The following WDR7 variants were observed in gnomAD, a reference collection of about 807,000 sequenced individuals.
WDR7 encodes WD repeat domain 7.
In WDR7, 46 loss-of-function variants were observed where a neutral mutation model predicts 169.4. The observed-to-expected ratio is 0.27, with a 90% confidence interval of 0.21 to 0.35. The LOEUF (loss-of-function observed/expected upper bound fraction) is 0.35, where lower values mean the gene tolerates loss of function less well. Among genes scored for constraint, WDR7 ranks in the 10% least tolerant of loss-of-function variants. WDR7 has a pLI of 1.00. For missense variants in WDR7, 1,534 were observed against 1,859.3 expected, an observed-to-expected ratio of 0.83 and a Z score of 3.22; for synonymous variants, 612 against 666.8, an observed-to-expected ratio of 0.92 and a Z score of 1.27.
downstream of WDR7, chr18:57,032,802 TA>T (rs1568036539): frequency 0.17 from 382 of 2,246 alleles, 12 homozygotes; most frequent in East Asian, 0.51. Context: ...ATAATTATTT[TA>T]TATATATATA....
At chr18:56,973,491 T>TG (rs1249180304) in intron 26 of WDR7, among the ~76,000 whole-genome samples, 4 of 152,082 alleles carry the variant, frequency 2.6e-5, no homozygotes, top group African/African-American at 9.7e-5. Context: ...ACATATTGTG[T>TG]GTGGGGGGGG....
chr18:56,906,260 A>C (rs1278667501), intron 21 of WDR7, among the ~76,000 whole-genome samples: 1 of 152,152 alleles, frequency 6.6e-6, no homozygotes, highest in Non-Finnish European at 1.5e-5. Context: ...ATTTGAGGAG[A>C]CTCTATGGGA....
At chr18:56,659,401 C>T (rs1017203701) in intron 1 of WDR7, among the ~76,000 whole-genome samples, 1 of 152,074 alleles carries the variant, frequency 6.6e-6, no homozygotes, top group African/African-American at 2.4e-5. Context: ...ATTTGGATTC[C>T]TTCTATGTGG....
At chr18:56,715,620 G>A (rs1416601224) in intron 12 of WDR7, among the ~76,000 whole-genome samples, 1 of 152,046 alleles carries the variant, frequency 6.6e-6, no homozygotes, top group Non-Finnish European at 1.5e-5. Flanking sequence ...GATTGCTTGA[G>A]CCCAGGAGTT....
chr18:56,698,890 G>A (rs1202706173), intron 12 of WDR7, among the ~76,000 whole-genome samples: 1 of 152,000 alleles, frequency 6.6e-6, no homozygotes, highest in African/African-American at 2.4e-5. Flanking sequence ...TTGGGTGGGA[G>A]GACGGAGAGG....
At chr18:56,891,697 C>A (rs1346827270) in intron 21 of WDR7, among the ~76,000 whole-genome samples, 1 of 151,998 alleles carries the variant, frequency 6.6e-6, no homozygotes, top group East Asian at 1.9e-4. Context: ...ATGCATTTTT[C>A]CCCCAAAGCT....
intron 1 of WDR7, among the ~76,000 whole-genome samples, chr18:56,664,004 GA>G (rs1396340452): frequency 2.0e-5 from 3 of 151,964 alleles, no homozygotes; most frequent in African/African-American, 4.8e-5. Context: ...TGCTGTACCA[GA>G]AAAAAAGAGA....
intron 9 of WDR7, among the ~76,000 whole-genome samples, chr18:56,693,573 G>GTTTTTTTTTT (rs1254201598): frequency 9.2e-5 from 5 of 54,440 alleles, no homozygotes; most frequent in African/African-American, 1.9e-4. Flanking sequence ...TTTTTTTTTT[G>GTTTTTTTTTT]TTTTTTTTTT....
chr18:56,924,839 A>G (rs2046780711), intron 22 of WDR7, among the ~76,000 whole-genome samples: 1 of 152,236 alleles, frequency 6.6e-6, no homozygotes, highest in African/African-American at 2.4e-5. Context: ...ATTCAGTGGC[A>G]TTAAGTATAA....
chr18:56,673,808 G>A (rs2025186711), intron 2 of WDR7, among the ~76,000 whole-genome samples: 1 of 151,684 alleles, frequency 6.6e-6, no homozygotes, highest in African/African-American at 2.4e-5. Flanking sequence ...TGGGCAATGG[G>A]AGTGAGACCT....
rs192460125 is a variant in WDR7, at chr18:57,007,867, T to G, written c.4165-12878T>G. 1.6e-3 allele frequency among the ~76,000 whole-genome samples: 248 copies of G among 151,986 alleles called. 2 individuals carry two copies. Among genetic ancestry groups the G allele is most frequent in the Middle Eastern group, 6.8e-3 (2 of 294 alleles). On this transcript the variant is annotated intron_variant, in intron 26 of 27. Coordinates refer to ENST00000254442, the MANE Select transcript of WDR7 (RefSeq NM_015285.3). ...TACTCTTCATGGACTTTCTCAACCA[T>G]TTACATTGGATTTTTTAACAAACAT...
chr18:56,772,060 C>CAAAAAAAAAAA (rs71169397), intron 16 of WDR7, among the ~76,000 whole-genome samples: 1 of 51,168 alleles, frequency 2.0e-5, no homozygotes, highest in African/African-American at 7.4e-5. Flanking sequence ...GACCCTGTCT[C>CAAAAAAAAAAA]AAAAAAAAAA....
intron 12 of WDR7, among the ~76,000 whole-genome samples, chr18:56,711,866 T>C (rs2026093536): frequency 6.6e-6 from 1 of 152,156 alleles, no homozygotes; most frequent in South Asian, 2.1e-4. Flanking sequence ...TTATGTTCCA[T>C]AGCAAGAGTT....
chr18:56,924,026 G>A lies in WDR7; in HGVS notation c.3631G>A (p.Val1211Ile), dbSNP rs1232078447. 1.2e-6 allele frequency: 2 copies of A among 1,612,878 alleles called. No individual in the cohort carries two copies. The highest frequency in any genetic ancestry group is 1.7e-5 in the Admixed American group (1 of 59,758). ...AIDLIGRGFT[V>I]WEPYMDVSAV... ...TGATCTGATTGGACGTGGGTTCACT[G>A]TTTGGGAGCCTTACATGGATGTGTC... Residue 1211 changes from valine to isoleucine, a missense_variant, in exon 22 of 28, where the codon GTT becomes ATT. By Grantham distance (29) the Val-to-Ile change is conservative. Transcript: ENST00000254442.
At chr18:56,906,081 A>G (rs543170604) in intron 21 of WDR7, among the ~76,000 whole-genome samples, 1 of 152,328 alleles carries the variant, frequency 6.6e-6, no homozygotes, top group Non-Finnish European at 1.5e-5. Flanking sequence ...ATCACTCCTA[A>G]TATCACCGTA....
intron 22 of WDR7, 94 bp downstream of exon 22, chr18:56,924,202 AT>A: frequency 1.5e-6 from 2 of 1,362,544 alleles, no homozygotes; most frequent in Non-Finnish European, 1.0e-6. Flanking sequence ...TAGATTGTGC[AT>A]GTTTAATAGA....
Position 56,685,998 on chromosome 18 carries a change from T to A in WDR7, c.563T>A (p.Val188Asp). 1 of 1,599,234 alleles carries A rather than the reference T, an allele frequency of 6.3e-7. No homozygotes were observed. The highest frequency in any genetic ancestry group is 8.5e-7 in the Non-Finnish European group (1 of 1,175,372). Residue 188 changes from valine (V) to aspartate (D), a missense_variant, in exon 6 of 28, where the codon GTC (valine) becomes GAC (aspartate). Val to Asp is a radical substitution (Grantham distance 152, BLOSUM62 -3). Transcript: ENST00000254442. The part of the protein sequence containing the change: ...VALSVTGILK[V>D]WIVTSEISDM... ...CTCTCGGTGACTGGCATCCTGAAGG[T>A]CTGGATTGTTACCTCGGAAATAAGT...
At position 56,662,355 on chromosome 18, in the gene WDR7, G is replaced by GCT. The variant is rs566817141; in HGVS notation, c.-19-10142_-19-10141insCT. Among the ~76,000 whole-genome samples, 427 of 152,306 alleles carry GCT rather than the reference G, an allele frequency of 2.8e-3. 5 individuals are homozygous for GCT. The East Asian group carries it at 0.039, about 14-fold the overall frequency. On this transcript the variant is annotated intron_variant, in intron 1 of 27. Coordinates refer to ENST00000254442, the MANE Select transcript of WDR7 (RefSeq NM_015285.3). Reference sequence around the variant, plus strand: ...TACTAGTTTGTATATAATCTTAACTGTTTATAGCTTTTAGAAATCATGTGT... The same window carrying GCT: ...TACTAGTTTGTATATAATCTTAACTGCTTTTATAGCTTTTAGAAATCATGTGT...
intron 21 of WDR7, among the ~76,000 whole-genome samples, chr18:56,914,649 A>T (rs1599153520): frequency 6.6e-6 from 1 of 152,030 alleles, no homozygotes; most frequent in Non-Finnish European, 1.5e-5. Context: ...AGGTTAATGG[A>T]TTTTTTTTAA....
Sources: allele counts gnomAD v4.1 joint callset (sites outside exome capture counted in the v4.1 genomes callset), GRCh38; gene constraint gnomAD v4.1.1; transcripts MANE v1.5; gene names NCBI Gene and HGNC (gene_info 2026-07-23, HGNC 2026-07-21).